Variants in TSPAN9 observed in about 807,000 individuals in gnomAD.
TSPAN9 encodes the protein tetraspanin-9.
TSPAN9 carries 16 observed loss-of-function variants against 31.0 expected under a neutral mutation model. The ratio of observed to expected loss-of-function variants is 0.52; its 90% CI spans 0.35 to 0.78. The LOEUF is 0.78. TSPAN9 is among the 30% of genes least tolerant of loss of function. The probability of loss-of-function intolerance (pLI) is 0.01; values close to 1 mark genes in which losing one functional copy is unlikely to be tolerated. For synonymous variants in TSPAN9, 145 were observed against 121.6 expected (o/e 1.19, Z -1.27); for missense variants, 272 against 312.5 (o/e 0.87, Z 0.98).
chr12:3,257,777 A>AGGG (rs1862376857), intron 3 of TSPAN9, among the ~76,000 whole-genome samples: 230 of 141,016 alleles, frequency 1.6e-3, no homozygotes, highest in Non-Finnish European at 2.1e-3. Flanking sequence ...CGGGAGGGGT[A>AGGG]GGGGGGCGGC....
intron 2 of TSPAN9, among the ~76,000 whole-genome samples, chr12:3,131,078 C>G (rs1056162605): frequency 1.3e-5 from 2 of 151,782 alleles, no homozygotes; most frequent in Non-Finnish European, 2.9e-5. Flanking sequence ...TACACACGCT[C>G]TACCTGCTGA....
intron 2 of TSPAN9, among the ~76,000 whole-genome samples, chr12:3,103,273 A>G (rs1185378719): frequency 6.6e-6 from 1 of 152,066 alleles, no homozygotes; most frequent in Non-Finnish European, 1.5e-5. Flanking sequence ...TATATTCACT[A>G]TTTTTGTCAG....
intron 3 of TSPAN9, among the ~76,000 whole-genome samples, chr12:3,258,605 A>G (rs550041590): frequency 7.1e-6 from 1 of 140,940 alleles, no homozygotes. Context: ...ACCATTTCTT[A>G]TCTTCCCTCC....
chr12:3,223,251 C>G (rs1407636703), intron 3 of TSPAN9, among the ~76,000 whole-genome samples: 1 of 152,234 alleles, frequency 6.6e-6, no homozygotes, highest in African/African-American at 2.4e-5. Context: ...ATCCTTGGAA[C>G]AAACACGTCC....
chr12:3,216,132 TCCCCACCCCAC>T (rs2098381268), intron 3 of TSPAN9, among the ~76,000 whole-genome samples: 1 of 151,794 alleles, frequency 6.6e-6, no homozygotes, highest in Admixed American at 6.6e-5. Context: ...AGCCACCCCA[TCCCCACCCCAC>T]CCCCACCCCA....
chr12:3,153,067 T>TGTGGTG (rs372087469), intron 2 of TSPAN9, among the ~76,000 whole-genome samples: 21 of 151,684 alleles, frequency 1.4e-4, no homozygotes, highest in African/African-American at 4.6e-4. Flanking sequence ...GTGTGTGGGG[T>TGTGGTG]GTGGTGGTGG....
intron 2 of TSPAN9, among the ~76,000 whole-genome samples, chr12:3,094,768 C>T (rs1304601160): frequency 6.6e-6 from 1 of 150,628 alleles, no homozygotes; most frequent in Non-Finnish European, 1.5e-5. Flanking sequence ...CTCCTGACCT[C>T]AGGTGATCCT....
Position 3,208,974 on chromosome 12 carries a change from T to C in TSPAN9, c.63+7718T>C, listed in dbSNP as rs568570712. Among the ~76,000 whole-genome samples the C allele has an allele frequency of 2.7e-4, 41 of 152,314 alleles. No individual in the cohort carries two copies. In the East Asian group the frequency reaches 6.2e-3, roughly 23 times the overall value. On this transcript the variant is annotated intron_variant, in intron 3 of 8. Coordinates refer to ENST00000011898, the MANE Select transcript of TSPAN9 (RefSeq NM_006675.5). Reference sequence around the variant, plus strand: ...GCGTTGTGCCAGGCGCAGGGGCTCATGCCTGTAATCCTAGCACTTTGGGAG... The same window carrying C: ...GCGTTGTGCCAGGCGCAGGGGCTCACGCCTGTAATCCTAGCACTTTGGGAG...
chr12:3,140,898 G>A (rs1348731286), intron 2 of TSPAN9, among the ~76,000 whole-genome samples: 1 of 151,922 alleles, frequency 6.6e-6, no homozygotes, highest in Non-Finnish European at 1.5e-5. Context: ...TTGCCAGGTG[G>A]AAGGGCGTTT....
chr12:3,219,480 G>A (rs1420004031), intron 3 of TSPAN9, among the ~76,000 whole-genome samples: 1 of 152,190 alleles, frequency 6.6e-6, no homozygotes, highest in East Asian at 1.9e-4. Context: ...CGGACCTTCT[G>A]TGAGGATGGA....
intron 3 of TSPAN9, among the ~76,000 whole-genome samples, chr12:3,204,348 GC>G (rs2098373742): frequency 6.6e-6 from 1 of 152,322 alleles, no homozygotes; most frequent in East Asian, 1.9e-4. Context: ...CCCTTCAGAG[GC>G]GTGCATAGGT....
intron 3 of TSPAN9, among the ~76,000 whole-genome samples, chr12:3,239,938 C>T (rs547760369): frequency 9.9e-5 from 15 of 152,092 alleles, no homozygotes; most frequent in African/African-American, 3.6e-4. Context: ...GGCATTGCCA[C>T]GACCAGAGGT....
chr12:3,258,925 A>T (rs544830805), intron 3 of TSPAN9, among the ~76,000 whole-genome samples: 14 of 152,264 alleles, frequency 9.2e-5, no homozygotes, highest in African/African-American at 3.4e-4. Context: ...CTGAGATGAG[A>T]TGGCTGATAC....
intron 2 of TSPAN9, among the ~76,000 whole-genome samples, chr12:3,159,421 T>C (rs977019544): frequency 1.1e-4 from 16 of 152,180 alleles, no homozygotes; most frequent in Non-Finnish European, 1.8e-4. Flanking sequence ...ACTCTCCCAT[T>C]GTTACAGGCT....
At chr12:3,233,480 T>A (rs913206169) in intron 3 of TSPAN9, among the ~76,000 whole-genome samples, 4 of 152,210 alleles carry the variant, frequency 2.6e-5, no homozygotes, top group Non-Finnish European at 5.9e-5. Flanking sequence ...GATGTTTCCC[T>A]AAACGATGCA....
At chr12:3,156,907 C>T (rs150703166) in intron 2 of TSPAN9, among the ~76,000 whole-genome samples, 44 of 152,254 alleles carry the variant, frequency 2.9e-4, no homozygotes, top group South Asian at 1.2e-3. Flanking sequence ...GGGGCAAGGG[C>T]TGAGAGCTAA....
chr12:3,081,823 T>C (rs2098297976), intron 1 of TSPAN9, among the ~76,000 whole-genome samples: 1 of 39,522 alleles, frequency 2.5e-5, no homozygotes, highest in South Asian at 1.1e-3. Flanking sequence ...TGTGTGTGTG[T>C]GTGTGTGTGT....
In TSPAN9 at chr12:3,283,070, C is replaced by A; in HGVS notation, c.674C>A (p.Thr225Asn). ...ATCCTGGGCATGGCCTTCTCCATGA[C>A]CCTCTTCCAGCACATCCACCGGACT... Reference protein sequence around the residue: ...MQILGMAFSMTLFQHIHRTGK... With the variant: ...MQILGMAFSMNLFQHIHRTGK... Residue 225 changes from threonine (T) to asparagine (N), a missense_variant, in exon 9 of 9, where the codon ACC becomes AAC. Transcript: ENST00000011898. 6.2e-7 allele frequency: 1 copy of A among 1,609,542 alleles called. No individual in the cohort carries two copies.
At chr12:3,258,221 C>T (rs1475877666) in intron 3 of TSPAN9, among the ~76,000 whole-genome samples, 2 of 152,078 alleles carry the variant, frequency 1.3e-5, no homozygotes, top group African/African-American at 4.8e-5. Context: ...TAGGGGTCTC[C>T]AGGGCTGGTT....
Sources: gnomAD v4.1 joint callset for allele counts (sites outside exome capture counted in the v4.1 genomes callset) on GRCh38, gnomAD v4.1.1 for gene constraint, MANE v1.5 for transcripts, NCBI Gene and HGNC (gene_info 2026-07-23, HGNC 2026-07-21) for gene names.